The following CDKN2B-AS1 variants were observed in gnomAD, a reference collection of about 807,000 sequenced individuals.
CDKN2B-AS1 encodes CDKN2B antisense RNA 1 (non-protein coding).
At chr9:22,041,202 T>C (rs1822881646) in intron 1 of CDKN2B-AS1, among the ~76,000 whole-genome samples, 1 of 151,864 alleles carries the variant, frequency 6.6e-6, no homozygotes, top group South Asian at 2.1e-4. Context: ...GAAAAGTATA[T>C]TGGGAGAAAA....
chr9:22,112,522 A>G (rs1825828586), intron 4 of CDKN2B-AS1: 1 of 152,188 alleles, frequency 6.6e-6, no homozygotes, highest in Non-Finnish European at 1.5e-5. Flanking sequence ...CTGACTATAT[A>G]AAAACATGGA....
At chr9:21,998,621 A>G (rs1820788782) in intron 1 of CDKN2B-AS1, among the ~76,000 whole-genome samples, 1 of 152,316 alleles carries the variant, frequency 6.6e-6, no homozygotes, top group Admixed American at 6.5e-5. Flanking sequence ...TAAAAACCTG[A>G]GTTAATTGAG....
intron 1 of CDKN2B-AS1, among the ~76,000 whole-genome samples, chr9:22,017,755 A>G (rs998243417): frequency 6.6e-6 from 1 of 152,370 alleles, no homozygotes; most frequent in Non-Finnish European, 1.5e-5. Context: ...CATTATAAGC[A>G]TTTAAAAACA....
chr9:22,057,679 G>T (rs1343206980), intron 4 of CDKN2B-AS1, among the ~76,000 whole-genome samples: 1 of 152,032 alleles, frequency 6.6e-6, no homozygotes, highest in Admixed American at 6.6e-5. Context: ...GTGGTGGTGG[G>T]CACCTGGAGT....
chr9:22,096,590 A>G (rs1825283060), intron 4 of CDKN2B-AS1: 2 of 152,238 alleles, frequency 1.3e-5, no homozygotes, highest in African/African-American at 4.8e-5. Flanking sequence ...AGCTCCCAGT[A>G]GTGCCTTCTG....
intron 1 of CDKN2B-AS1, among the ~76,000 whole-genome samples, chr9:22,035,075 T>C (rs767738409): frequency 6.6e-6 from 1 of 152,150 alleles, no homozygotes; most frequent in Admixed American, 6.5e-5. Flanking sequence ...TAGCAAAATA[T>C]CTGGCATCTA....
At chr9:22,119,183 ATAGTACACTGTGTCTGG>A (rs1826036999) in intron 4 of CDKN2B-AS1, 2 of 152,162 alleles carry the variant, frequency 1.3e-5, no homozygotes, top group Admixed American at 1.3e-4. Flanking sequence ...GCAATAATAT[ATAGTACACTGTGTCTGG>A]CATCTAGTAA....
rs201218480 is a variant in CDKN2B-AS1, at chr9:22,067,220, C to CA, written n.438+10841dup. Among the ~76,000 whole-genome samples, 1,125 of 151,682 alleles carry CA rather than the reference C, an allele frequency of 7.4e-3. 5 individuals carry two copies. The highest frequency in any genetic ancestry group is 0.014 in the Middle Eastern group (4 of 294). On this transcript the variant is annotated intron_variant and non_coding_transcript_variant, in intron 4 of 4. Coordinates refer to ENST00000650946, the Ensembl canonical transcript of CDKN2B-AS1. Reference sequence around the variant, plus strand: ...CTAGAACTTAAAGTATAATAATAAACAAAAAAAACCACTGCACAATCTCTA... The same window carrying CA: ...CTAGAACTTAAAGTATAATAATAAACAAAAAAAAACCACTGCACAATCTCTA...
intron 4 of CDKN2B-AS1, chr9:22,120,587 CTA>C (rs780360325): frequency 6.6e-6 from 1 of 152,008 alleles, no homozygotes; most frequent in Non-Finnish European, 1.5e-5. Context: ...GGACTGGAAC[CTA>C]TATCTCTCTA....
At chr9:22,090,296 A>G (rs1408190095) in intron 4 of CDKN2B-AS1, among the ~76,000 whole-genome samples, 2 of 152,110 alleles carry the variant, frequency 1.3e-5, no homozygotes, top group African/African-American at 4.8e-5. Context: ...ATACGTGTGC[A>G]TGTGTCTTTA....
At chr9:22,090,734 T>C (rs568137916) in intron 4 of CDKN2B-AS1, among the ~76,000 whole-genome samples, 2 of 152,220 alleles carry the variant, frequency 1.3e-5, no homozygotes, top group Non-Finnish European at 2.9e-5. Flanking sequence ...TAGCCCTTTG[T>C]TGGATGAGTA....
chr9:22,080,677 T>C (rs1824661409), intron 4 of CDKN2B-AS1, among the ~76,000 whole-genome samples: 1 of 152,236 alleles, frequency 6.6e-6, no homozygotes, highest in South Asian at 2.1e-4. Flanking sequence ...TTTCTGACAG[T>C]TTGCAGAGCC....
intron 4 of CDKN2B-AS1, among the ~76,000 whole-genome samples, chr9:22,065,145 G>A (rs759948739): frequency 2.6e-5 from 4 of 152,168 alleles, no homozygotes; most frequent in Non-Finnish European, 4.4e-5. Flanking sequence ...ATGTGGACTG[G>A]CATTCTTCCC....
intron 1 of CDKN2B-AS1, chr9:22,009,224 G>A: frequency 1.7e-6 from 1 of 582,924 alleles, no homozygotes; most frequent in Non-Finnish European, 3.1e-6. Flanking sequence ...TAGCGCGGAC[G>A]CAGCCGAGCT....
rs191161487 is a variant in CDKN2B-AS1, at chr9:22,062,882, C to T, written n.438+6495C>T. ...AATTGGGCGAAGCAGAGGGAGGGGG[C>T]AAAGTTGACTACCTTTGTTTCTGTC... On this transcript the variant is annotated intron_variant and non_coding_transcript_variant, in intron 4 of 4. Transcript: ENST00000650946. 8.6e-5 allele frequency among the ~76,000 whole-genome samples: 13 copies of T among 151,486 alleles called. No homozygotes were observed. In the East Asian group the frequency reaches 2.5e-3, roughly 30 times the overall value.
intron 1 of CDKN2B-AS1, among the ~76,000 whole-genome samples, chr9:22,026,175 C>T (rs1405568713): frequency 6.6e-6 from 1 of 151,918 alleles, no homozygotes; most frequent in African/African-American, 2.4e-5. Flanking sequence ...TGCTTAAGCT[C>T]CCCAAAGCCT....
chr9:22,092,151 C>G (rs1825113800), intron 4 of CDKN2B-AS1, among the ~76,000 whole-genome samples: 2 of 152,160 alleles, frequency 1.3e-5, no homozygotes, highest in South Asian at 4.1e-4. Context: ...TTGAACAAGC[C>G]TTGCATCCCA....
chr9:22,075,502 T>C (rs894962688), intron 4 of CDKN2B-AS1, among the ~76,000 whole-genome samples: 15 of 152,326 alleles, frequency 9.8e-5, no homozygotes, highest in Admixed American at 9.2e-4. Flanking sequence ...GGAATTATCC[T>C]GTGGAGAAAA....
intron 4 of CDKN2B-AS1, among the ~76,000 whole-genome samples, chr9:22,067,474 C>CA (rs899933459): frequency 6.6e-6 from 1 of 151,908 alleles, no homozygotes; most frequent in African/African-American, 2.4e-5. Context: ...AACTTAGCAC[C>CA]AAAATGTGTT....
Sources: allele counts gnomAD v4.1 joint callset (sites outside exome capture counted in the v4.1 genomes callset), GRCh38; gene constraint gnomAD v4.1.1; transcripts MANE v1.5; gene names NCBI Gene and HGNC (gene_info 2026-07-23, HGNC 2026-07-21).